The following CTNNB1 variants were observed in gnomAD, a reference collection of about 807,000 sequenced individuals.
CTNNB1 encodes catenin beta-1.
CTNNB1 carries 6 observed loss-of-function variants against 82.5 expected under a neutral mutation model. The ratio of observed to expected loss-of-function variants is 0.07; its 90% CI spans 0.04 to 0.14. The LOEUF (loss-of-function observed/expected upper bound fraction) is 0.14. Ranked by LOEUF, CTNNB1 falls within the 10% of genes least tolerant of loss-of-function variation. The probability of loss-of-function intolerance (pLI) is 1.00; values close to 1 mark genes in which losing one functional copy is unlikely to be tolerated. For missense variants in CTNNB1, 529 were observed against 980.4 expected (o/e 0.54, Z 6.15); for synonymous variants, 312 against 329.7 (o/e 0.95, Z 0.58).
intron 1 of CTNNB1, among the ~76,000 whole-genome samples, chr3:41,208,934 C>T (rs1284501747): frequency 6.6e-6 from 1 of 152,182 alleles, no homozygotes; most frequent in Non-Finnish European, 1.5e-5. Context: ...CTTCTCTTTC[C>T]CGCAAAATAA....
rs1225917525 is a variant in CTNNB1 at position 41,227,016 on chromosome 3, G to T, written c.937-192G>T. 2.0e-5 allele frequency among the ~76,000 whole-genome samples: 3 copies of T among 152,222 alleles called. 1 individual carries two copies. In the South Asian group the frequency reaches 6.2e-4, roughly 32 times the overall value. On this transcript the variant is annotated intron_variant, in intron 6 of 14. Coordinates refer to ENST00000349496, the MANE Select transcript of CTNNB1 (RefSeq NM_001904.4). The stretch of plus-strand genomic sequence containing the variant: ...GGACTGGGATGTCTGAATTTGAGTG[G>T]AATGCTTTAAAAGGACAAGTTGGAT...
At chr3:41,206,005 C>G (rs1009767088) in intron 1 of CTNNB1, among the ~76,000 whole-genome samples, 1 of 152,132 alleles carries the variant, frequency 6.6e-6, no homozygotes, top group African/African-American at 2.4e-5. Flanking sequence ...TTTCCACCCC[C>G]TCTTTATGAT....
At chr3:41,227,461 C>T (rs2078205165) in intron 7 of CTNNB1, 109 bp downstream of exon 7, 8 of 1,177,382 alleles carry the variant, frequency 6.8e-6, no homozygotes, top group South Asian at 2.5e-5. Flanking sequence ...AATAAATGGT[C>T]CTATTCAGTT....
rs149552471 is a variant in CTNNB1 at position 41,217,274 on chromosome 3, A to G, written c.-48-6747A>G. 1.9e-3 allele frequency among the ~76,000 whole-genome samples: 294 copies of G among 152,242 alleles called. 3 individuals are homozygous for G. Among genetic ancestry groups the G allele is most frequent in the Non-Finnish European group, 3.2e-3 (217 of 68,010 alleles). The stretch of plus-strand genomic sequence containing the variant: ...CACAGGCCTTCCCTGACCACCCACT[A>G]GAGTAGCACATCTTCTACCTCATAA... On this transcript the variant is annotated intron_variant, in intron 1 of 14. Transcript: ENST00000349496.
intron 1 of CTNNB1, among the ~76,000 whole-genome samples, chr3:41,217,922 A>T (rs976235876): frequency 1.3e-5 from 2 of 152,046 alleles, no homozygotes; most frequent in African/African-American, 4.8e-5. Context: ...ATGTTCTAGT[A>T]TGTTATTTTT....
intron 1 of CTNNB1, among the ~76,000 whole-genome samples, chr3:41,201,052 TA>T (rs1187053521): frequency 6.6e-6 from 1 of 152,232 alleles, no homozygotes; most frequent in African/African-American, 2.4e-5. Context: ...TTTCCTTTCA[TA>T]AAGTCTAGGC....
chr3:41,207,694 C>T (rs1208366674), intron 1 of CTNNB1, among the ~76,000 whole-genome samples: 1 of 152,206 alleles, frequency 6.6e-6, no homozygotes, highest in African/African-American at 2.4e-5. Context: ...CCATCTCCCA[C>T]CTTTCATCAT....
chr3:41,235,473 T>C lies in CTNNB1; in HGVS notation c.1684-251T>C, dbSNP rs11564464. The stretch of plus-strand genomic sequence containing the variant: ...TGGTGCCCTTACTGTAGGAAAGTTG[T>C]CTTTGGGATTCAGCGCTGTATGGAA... On this transcript the variant is annotated intron_variant, in intron 10 of 14. Coordinates refer to ENST00000349496, the MANE Select transcript of CTNNB1 (RefSeq NM_001904.4). 8.9e-4 allele frequency: 481 copies of C among 541,736 alleles called. 3 individuals are homozygous for C. The highest frequency in any genetic ancestry group is 7.2e-3 in the African/African-American group (380 of 52,800). The allele number at this position is 541,736 out of a possible 1,614,324, so 33.6% of individuals were successfully genotyped here.
intron 1 of CTNNB1, chr3:41,221,028 A>G (rs145484077): frequency 6.6e-6 from 1 of 152,322 alleles, no homozygotes; most frequent in East Asian, 1.9e-4. Flanking sequence ...AAAGAGTATT[A>G]TGTTCATATT....
intron 14 of CTNNB1, chr3:41,238,578 C>G (rs2078495902): frequency 5.2e-6 from 1 of 193,018 alleles, no homozygotes; most frequent in Admixed American, 5.3e-5. Flanking sequence ...GCATCTGCTT[C>G]TACCTAATTA....
At position 41,211,224 on chromosome 3, in the gene CTNNB1, G is replaced by A. The variant is rs536321588; in HGVS notation, c.-49+11554G>A. 1.5e-3 allele frequency among the ~76,000 whole-genome samples: 227 copies of A among 152,268 alleles called. 1 individual carries two copies. Among genetic ancestry groups the A allele is most frequent in the Non-Finnish European group, 2.1e-3 (143 of 68,018 alleles). On this transcript the variant is annotated intron_variant, in intron 1 of 14. Transcript: ENST00000349496. ...TGGCTACAACATCACTAGGTGATAGGAATTTTTCAGCTCCATTATAATCTT... is the reference window on the plus strand; with the variant it reads ...TGGCTACAACATCACTAGGTGATAGAAATTTTTCAGCTCCATTATAATCTT...
intron 1 of CTNNB1, among the ~76,000 whole-genome samples, chr3:41,216,025 G>A (rs1282646985): frequency 6.6e-6 from 1 of 152,132 alleles, no homozygotes; most frequent in African/African-American, 2.4e-5. Context: ...CTTTGGTATG[G>A]GGGGTGGAAA....
intron 14 of CTNNB1, 62 bp from the exon 15 acceptor site, chr3:41,239,072 C>T (rs2125652627): frequency 7.3e-7 from 1 of 1,371,720 alleles, no homozygotes; most frequent in Non-Finnish European, 1.0e-6. Flanking sequence ...TCTATGTCTG[C>T]TTCTCTCCTC....
At position 41,239,196 on chromosome 3, in the gene CTNNB1, A is replaced by C. The variant is rs2125653370; in HGVS notation, c.2200A>C (p.Met734Leu). Reference sequence around the variant, plus strand: ...CCAGGATGCCTTGGGTATGGACCCCATGATGGAACATGAGATGGGTGGCCA... The same window carrying C: ...CCAGGATGCCTTGGGTATGGACCCCCTGATGGAACATGAGATGGGTGGCCA... ...YGQDALGMDPMMEHEMGGHHP... is the reference protein window; with the variant it reads ...YGQDALGMDPLMEHEMGGHHP... The change falls in exon 15 of 15, where the codon ATG (methionine) becomes CTG (leucine). Residue 734 changes from methionine to leucine, a missense_variant. This residue lies in a region of CTNNB1 where 102 missense variants were observed against 130.8 expected (regional missense o/e 0.78). Coordinates refer to ENST00000349496, the MANE Select transcript of CTNNB1 (RefSeq NM_001904.4). The C allele has an allele frequency of 1.2e-6, 2 of 1,614,158 alleles. No individual in the cohort carries two copies. The highest frequency in any genetic ancestry group is 1.7e-6 in the Non-Finnish European group (2 of 1,180,012).
At chr3:41,237,020 C>CTAA (rs1308777811) in intron 13 of CTNNB1, 1 of 538,570 alleles carries the variant, frequency 1.9e-6, no homozygotes, top group Non-Finnish European at 3.3e-6. Flanking sequence ...CAGTGTTAAA[C>CTAA]ACTGTTAAGA....
chr3:41,222,403 T>C (rs966265622), intron 1 of CTNNB1: 1 of 152,244 alleles, frequency 6.6e-6, no homozygotes, highest in African/African-American at 2.4e-5. Flanking sequence ...TTGTTTTTAC[T>C]TCTCTATCTA....
chr3:41,236,323 A>G (rs553312057), intron 11 of CTNNB1, 26 bp from the exon 12 acceptor site: 1 of 1,614,054 alleles, frequency 6.2e-7, no homozygotes, highest in Admixed American at 1.7e-5. Context: ...AGATTTAATT[A>G]GGTTTTGTTT....
At chr3:41,207,477 A>C (rs1217395302) in intron 1 of CTNNB1, among the ~76,000 whole-genome samples, 1 of 152,052 alleles carries the variant, frequency 6.6e-6, no homozygotes, top group Admixed American at 6.6e-5. Flanking sequence ...CCTCTCCCCC[A>C]TCAGGAGCTA....
At chr3:41,236,226 A>C in intron 11 of CTNNB1, 123 bp from the exon 12 acceptor site, 1 of 1,148,686 alleles carries the variant, frequency 8.7e-7, no homozygotes, top group South Asian at 1.2e-5. Context: ...AATTCAGAGA[A>C]TATTATTTAC....
Sources: allele counts gnomAD v4.1 joint callset (sites outside exome capture counted in the v4.1 genomes callset), GRCh38; gene constraint gnomAD v4.1.1; regional missense constraint gnomAD v4.1.1; transcripts MANE v1.5; gene names NCBI Gene and HGNC (gene_info 2026-07-23, HGNC 2026-07-21).